RIPOR3: variants seen among roughly 807,000 people sequenced by gnomAD.
RIPOR3 encodes RIPOR family member 3, also known as family with sequence similarity 65 member C.
A neutral mutation model predicts 114.3 loss-of-function variants in RIPOR3; 95 were observed. That is an observed-to-expected ratio of 0.83 (90% CI 0.70 to 0.99). The LOEUF is 0.99. RIPOR3 is among the 50% of genes least tolerant of loss of function. RIPOR3 has a pLI of 0.00. For synonymous variants in RIPOR3, 575 were observed against 543.8 expected, an observed-to-expected ratio of 1.06 and a Z score of -0.80; for missense variants, 1,252 against 1,266.9, an observed-to-expected ratio of 0.99 and a Z score of 0.18.
chr20:50,638,291 C>A (rs1255833953), intron 1 of RIPOR3, among the ~76,000 whole-genome samples: 1 of 152,178 alleles, frequency 6.6e-6, no homozygotes, highest in Admixed American at 6.5e-5. Context: ...CTCCACTGTC[C>A]CAGGACTGCA....
chr20:50,589,852 G>T, intron 19 of RIPOR3, 83 bp from the exon 20 acceptor site: 1 of 1,220,834 alleles, frequency 8.2e-7, no homozygotes, highest in African/African-American at 1.5e-5. Flanking sequence ...ACCAGGTGCC[G>T]ACAGTAAGGC....
rs2086503389 is a variant in RIPOR3 at position 50,671,703 on chromosome 20, A to G, written c.3+19423T>C. 2.0e-5 allele frequency among the ~76,000 whole-genome samples: 3 copies of G among 152,296 alleles called. No individual in the cohort carries two copies. In the South Asian group the frequency reaches 6.2e-4, roughly 32 times the overall value. ...ACAGGCTAATTGTGAGGACCACGAA[A>G]ATGAATGGATGGGTGGATGGGTAGA... On this transcript the variant is annotated intron_variant, in intron 1 of 21. Coordinates refer to ENST00000327979, the MANE Select transcript of RIPOR3 (RefSeq NM_001290268.2).
chr20:50,598,762 G>A (rs534788925), intron 13 of RIPOR3, among the ~76,000 whole-genome samples: 124 of 152,074 alleles, frequency 8.2e-4, no homozygotes, highest in African/African-American at 2.6e-3. Flanking sequence ...AAAATTAGCC[G>A]GGTGTGGTGG....
chr20:50,617,628 C>CTTTTTTT (rs71190578), intron 3 of RIPOR3, among the ~76,000 whole-genome samples: 2 of 110,442 alleles, frequency 1.8e-5, no homozygotes, highest in Non-Finnish European at 3.5e-5. Context: ...GGTGGTTTCC[C>CTTTTTTT]TTTTTTTTTT....
intron 1 of RIPOR3, among the ~76,000 whole-genome samples, chr20:50,669,582 C>A (rs952856706): frequency 6.6e-6 from 1 of 152,160 alleles, no homozygotes; most frequent in Non-Finnish European, 1.5e-5. Flanking sequence ...GTCACCGCTG[C>A]GCACTGACCC....
At chr20:50,641,930 A>C (rs1465458068) in intron 1 of RIPOR3, among the ~76,000 whole-genome samples, 1 of 152,074 alleles carries the variant, frequency 6.6e-6, no homozygotes, top group African/African-American at 2.4e-5. Context: ...CTACTCCTAG[A>C]AATGGTCTGG....
intron 2 of RIPOR3, among the ~76,000 whole-genome samples, chr20:50,625,406 T>C (rs1330772960): frequency 6.6e-6 from 1 of 152,170 alleles, no homozygotes; most frequent in Admixed American, 6.5e-5. Flanking sequence ...TATGGACTCA[T>C]TTCTCCTGAC....
chr20:50,601,546 T>C (rs1370734760), intron 13 of RIPOR3, among the ~76,000 whole-genome samples: 2 of 152,200 alleles, frequency 1.3e-5, no homozygotes, highest in African/African-American at 4.8e-5. Flanking sequence ...TTGATGTACA[T>C]TCAAATTTGT....
intron 4 of RIPOR3, 98 bp downstream of exon 4, chr20:50,615,904 A>G: frequency 8.6e-7 from 1 of 1,159,134 alleles, no homozygotes; most frequent in East Asian, 2.6e-5. Flanking sequence ...GTTCTGAGAA[A>G]GAGTCACACC....
At chr20:50,652,246 C>A (rs951662119) in intron 1 of RIPOR3, among the ~76,000 whole-genome samples, 2 of 152,194 alleles carry the variant, frequency 1.3e-5, no homozygotes, top group Non-Finnish European at 2.9e-5. Flanking sequence ...CCTATCCCAC[C>A]CCCAAGTCCT....
intron 2 of RIPOR3, among the ~76,000 whole-genome samples, chr20:50,625,327 C>G (rs2084579336): frequency 6.6e-6 from 1 of 152,222 alleles, no homozygotes; most frequent in Admixed American, 6.5e-5. Context: ...CTGCCTTGGC[C>G]TCCCAAAGTG....
In RIPOR3 at chr20:50,668,955, C is replaced by T. The variant is rs60322258; in HGVS notation, c.3+22171G>A. Reference sequence around the variant, plus strand: ...CACATGACATGCATTCACATGCACACATGCCCATGCATGTATGTGTTCACA... The same window carrying T: ...CACATGACATGCATTCACATGCACATATGCCCATGCATGTATGTGTTCACA... On this transcript the variant is annotated intron_variant, in intron 1 of 21. Transcript: ENST00000327979. Among the ~76,000 whole-genome samples the T allele has an allele frequency of 1.7e-3, 264 of 152,280 alleles. 5 individuals carry two copies. In the East Asian group the frequency reaches 0.043, roughly 25 times the overall value.
At chr20:50,617,875 G>T (rs565941463) in intron 3 of RIPOR3, among the ~76,000 whole-genome samples, 1 of 151,210 alleles carries the variant, frequency 6.6e-6, no homozygotes, top group African/African-American at 2.4e-5. Flanking sequence ...GCCTGCCTCC[G>T]CCTCCCAAAG....
rs764786515 is a variant in RIPOR3, at chr20:50,589,734, G to A, written c.2613C>T (p.Asn871=). 2.3e-5 allele frequency: 37 copies of A among 1,613,658 alleles called. No homozygotes were observed. Among genetic ancestry groups the A allele is most frequent in the African/African-American group, 6.7e-5 (5 of 74,926 alleles). Reference sequence around the variant, plus strand: ...ATGCGGCCTGCTGGAGCCTTGCGTCGTTCTCTGCCAGGGCGTTGGTGTAGA... The same window carrying A: ...ATGCGGCCTGCTGGAGCCTTGCGTCATTCTCTGCCAGGGCGTTGGTGTAGA... The part of the protein sequence containing the change: ...LLFYTNALAE[N]DARLQQAACL... Residue 871 remains asparagine (N), a synonymous_variant, in exon 20 of 22, where the codon AAC becomes AAT. Transcript: ENST00000327979.
intron 21 of RIPOR3, 28 bp from the exon 22 acceptor site, chr20:50,587,360 G>A (rs774972840): frequency 1.9e-6 from 3 of 1,597,060 alleles, no homozygotes; most frequent in Non-Finnish European, 2.6e-6. Context: ...CCTGTCAGCG[G>A]GTTGGATCCT....
chr20:50,636,505 G>T, intron 1 of RIPOR3: 2 of 958,246 alleles, frequency 2.1e-6, no homozygotes, highest in Non-Finnish European at 2.5e-6. Flanking sequence ...CACTCTGCAG[G>T]CATGAGAGAC....
chr20:50,589,739 C>G lies in RIPOR3; in HGVS notation c.2608G>C (p.Glu870Gln). The G allele has an allele frequency of 1.2e-6, 2 of 1,613,842 alleles. No homozygotes were observed. Among genetic ancestry groups the G allele is most frequent in the East Asian group, 4.5e-5 (2 of 44,872 alleles). Residue 870 changes from glutamate (E) to glutamine (Q), a missense_variant, in exon 20 of 22, where the codon GAG becomes CAG. Coordinates refer to ENST00000327979, the MANE Select transcript of RIPOR3 (RefSeq NM_001290268.2). The part of the protein sequence containing the change: ...ALLFYTNALA[E>Q]NDARLQQAAC... ...GCCTGCTGGAGCCTTGCGTCGTTCT[C>G]TGCCAGGGCGTTGGTGTAGAACAGC...
chr20:50,601,309 C>T (rs1286653616), intron 13 of RIPOR3, among the ~76,000 whole-genome samples: 1 of 152,176 alleles, frequency 6.6e-6, no homozygotes, highest in East Asian at 1.9e-4. Flanking sequence ...TGGTGTGCAC[C>T]TGTAATCCCA....
chr20:50,616,976 C>A (rs2084197068), intron 3 of RIPOR3, among the ~76,000 whole-genome samples: 1 of 152,084 alleles, frequency 6.6e-6, no homozygotes, highest in South Asian at 2.1e-4. Flanking sequence ...CCCCATCTCT[C>A]CTAAAAATAC....
Sources: gnomAD v4.1 joint callset for allele counts (sites outside exome capture counted in the v4.1 genomes callset) on GRCh38, gnomAD v4.1.1 for gene constraint, MANE v1.5 for transcripts, NCBI Gene and HGNC (gene_info 2026-07-23, HGNC 2026-07-21) for gene names.